The following TMEM132D variants were observed in gnomAD, a reference collection of about 807,000 sequenced individuals.
TMEM132D encodes mature OL transmembrane protein.
In TMEM132D, 21 loss-of-function variants were observed where a neutral mutation model predicts 62.3. That is an observed-to-expected ratio of 0.34 (90% CI 0.24 to 0.49). The LOEUF (loss-of-function observed/expected upper bound fraction) is 0.49, where lower values mean the gene tolerates loss of function less well. Ranked by LOEUF, TMEM132D falls within the 20% of genes least tolerant of loss-of-function variation. The probability of loss-of-function intolerance (pLI) is 0.99; values close to 1 mark genes in which losing one functional copy is unlikely to be tolerated. For missense variants in TMEM132D, 1,346 were observed against 1,402.8 expected, an observed-to-expected ratio of 0.96 and a Z score of 0.65; for synonymous variants, 621 against 575.6, an observed-to-expected ratio of 1.08 and a Z score of -1.13.
At chr12:129,885,401 C>A (rs111573572) in intron 1 of TMEM132D, among the ~76,000 whole-genome samples, 17 of 152,228 alleles carry the variant, frequency 1.1e-4, no homozygotes, top group Admixed American at 6.5e-5. Context: ...GAAGGACCTG[C>A]TCCAGGGTTC....
intron 5 of TMEM132D, among the ~76,000 whole-genome samples, chr12:129,185,773 G>GTCTATCTATCTA (rs1555235284): frequency 0.01 from 1,407 of 135,998 alleles, 12 homozygotes; most frequent in Middle Eastern, 0.043. Flanking sequence ...CTGTCTGTCT[G>GTCTATCTATCTA]TCTATCTATC....
At chr12:129,268,142 A>G (rs12321695) in intron 4 of TMEM132D, among the ~76,000 whole-genome samples, 6,872 of 152,294 alleles carry the variant, frequency 0.045, 350 homozygotes, top group East Asian at 0.27. Flanking sequence ...TTCAAGTCTA[A>G]AACACCAAAA....
intron 1 of TMEM132D, among the ~76,000 whole-genome samples, chr12:129,711,241 A>G (rs1406611412): frequency 2.0e-5 from 3 of 152,208 alleles, no homozygotes; most frequent in Admixed American, 2.0e-4. Flanking sequence ...CCGGTATCAC[A>G]TGCCAAAACC....
intron 3 of TMEM132D, among the ~76,000 whole-genome samples, chr12:129,463,260 T>C (rs574318729): frequency 6.6e-6 from 1 of 151,998 alleles, no homozygotes; most frequent in Non-Finnish European, 1.5e-5. Context: ...TATTTTATTT[T>C]ATTTATTTTT....
chr12:129,730,435 A>G lies in TMEM132D; in HGVS notation c.80-29737T>C, dbSNP rs527849432. On this transcript the variant is annotated intron_variant, in intron 1 of 8. Transcript: ENST00000422113. Reference sequence around the variant, plus strand: ...TGTTTCAATTGGTTAAGAGCTTTATATAAACCTTCTATCACTCAGACCATG... The same window carrying G: ...TGTTTCAATTGGTTAAGAGCTTTATGTAAACCTTCTATCACTCAGACCATG... Among the ~76,000 whole-genome samples the G allele has an allele frequency of 3.9e-4, 59 of 152,306 alleles. 2 individuals carry two copies. In the South Asian group the frequency reaches 0.012, roughly 31 times the overall value.
intron 2 of TMEM132D, among the ~76,000 whole-genome samples, chr12:129,686,597 A>C (rs972738695): frequency 1.3e-5 from 2 of 152,220 alleles, no homozygotes; most frequent in African/African-American, 4.8e-5. Flanking sequence ...ATTCTAAAAA[A>C]AATTCCTTTT....
At chr12:129,562,580 T>C (rs74522427) in intron 2 of TMEM132D, among the ~76,000 whole-genome samples, 2,037 of 152,276 alleles carry the variant, frequency 0.013, 45 homozygotes, top group African/African-American at 0.046. Flanking sequence ...AGATCTGGCA[T>C]TTACCAGCTC....
Position 129,727,883 on chromosome 12 carries a change from CT to C in TMEM132D, c.80-27186del, listed in dbSNP as rs147860800. The stretch of plus-strand genomic sequence containing the variant: ...GCAAAAGCAAGGAAAAAAGAGACCC[CT>C]ATTAACATTGCAGACAGCTAACCCT... On this transcript the variant is annotated intron_variant, in intron 1 of 8. Transcript: ENST00000422113. Among the ~76,000 whole-genome samples, 1,008 of 152,274 alleles carry C rather than the reference CT, an allele frequency of 6.6e-3. 14 individuals are homozygous for C. Among genetic ancestry groups the C allele is most frequent in the African/African-American group, 0.023 (954 of 41,554 alleles).
intron 2 of TMEM132D, among the ~76,000 whole-genome samples, chr12:129,631,360 T>C (rs1401346015): frequency 6.6e-6 from 1 of 152,138 alleles, no homozygotes; most frequent in African/African-American, 2.4e-5. Flanking sequence ...AGCAGCAAAA[T>C]GCAACCTGCA....
At chr12:129,087,100 C>T (rs991298181) in intron 5 of TMEM132D, among the ~76,000 whole-genome samples, 1 of 152,126 alleles carries the variant, frequency 6.6e-6, no homozygotes, top group African/African-American at 2.4e-5. Context: ...AGCAGCATAA[C>T]TGAAACTTTC....
At chr12:129,421,251 C>T (rs1872314540) in intron 3 of TMEM132D, among the ~76,000 whole-genome samples, 1 of 152,156 alleles carries the variant, frequency 6.6e-6, no homozygotes, top group Admixed American at 6.5e-5. Context: ...GCGTGAGCCA[C>T]CATGCCTGGC....
chr12:129,859,685 T>A (rs1331748421), intron 1 of TMEM132D, among the ~76,000 whole-genome samples: 1 of 152,168 alleles, frequency 6.6e-6, no homozygotes, highest in Non-Finnish European at 1.5e-5. Context: ...GGTTCCTGAA[T>A]CTTCTGGCCT....
chr12:129,735,525 C>T (rs12426406), intron 1 of TMEM132D, among the ~76,000 whole-genome samples: 2,733 of 151,928 alleles, frequency 0.018, 113 homozygotes, highest in East Asian at 0.13. Context: ...TATATACTTA[C>T]GAAAATAAAC....
At chr12:129,213,342 A>G (rs1249482284) in intron 4 of TMEM132D, among the ~76,000 whole-genome samples, 1 of 151,998 alleles carries the variant, frequency 6.6e-6, no homozygotes, top group East Asian at 1.9e-4. Flanking sequence ...ACAAATAGAA[A>G]AAAGTTTATC....
intron 5 of TMEM132D, among the ~76,000 whole-genome samples, chr12:129,115,158 C>T (rs1875856752): frequency 6.6e-6 from 1 of 152,174 alleles, no homozygotes; most frequent in Non-Finnish European, 1.5e-5. Context: ...ACATAACTAC[C>T]AGTGACATCT....
rs1880737715 is a variant in TMEM132D at position 129,679,941 on chromosome 12, A to T, written c.968+19869T>A. On this transcript the variant is annotated intron_variant, in intron 2 of 8. Transcript: ENST00000422113. ...TTCATTTTCTCCTGGTTCATGCTCAACTTGAACAACTCTGCTCAGAATTTC... is the reference window on the plus strand; with the variant it reads ...TTCATTTTCTCCTGGTTCATGCTCATCTTGAACAACTCTGCTCAGAATTTC... Among the ~76,000 whole-genome samples, 4 of 152,292 alleles carry T rather than the reference A, an allele frequency of 2.6e-5. No individual in the cohort carries two copies. In the South Asian group the frequency reaches 8.3e-4, roughly 32 times the overall value.
chr12:129,196,545 A>G (rs1272209868), intron 5 of TMEM132D, among the ~76,000 whole-genome samples: 1 of 152,196 alleles, frequency 6.6e-6, no homozygotes, highest in African/African-American at 2.4e-5. Context: ...GTCTCAGCAC[A>G]GTAAAATGAT....
chr12:129,563,256 C>A (rs575190100), intron 2 of TMEM132D, among the ~76,000 whole-genome samples: 1 of 152,212 alleles, frequency 6.6e-6, no homozygotes, highest in Non-Finnish European at 1.5e-5. Flanking sequence ...TGTCCATTTT[C>A]ATAAAACCTT....
chr12:129,886,897 C>A (rs1246544506), intron 1 of TMEM132D, among the ~76,000 whole-genome samples: 1 of 152,192 alleles, frequency 6.6e-6, no homozygotes, highest in Non-Finnish European at 1.5e-5. Flanking sequence ...CTGGGCACTT[C>A]TCCTTGCTGC....
Sources: gnomAD v4.1 joint callset for allele counts (sites outside exome capture counted in the v4.1 genomes callset) on GRCh38, gnomAD v4.1.1 for gene constraint, MANE v1.5 for transcripts, NCBI Gene and HGNC (gene_info 2026-07-23, HGNC 2026-07-21) for gene names.